Variants in ZFPM2 observed in about 807,000 individuals in gnomAD.
ZFPM2 encodes zinc finger protein ZFPM2.
Under a neutral mutation model 98.6 loss-of-function variants are expected in ZFPM2, and 20 were observed. That is an observed-to-expected ratio of 0.20 (90% CI 0.14 to 0.29). The LOEUF (loss-of-function observed/expected upper bound fraction) is 0.29. Ranked by LOEUF, ZFPM2 falls within the 10% of genes least tolerant of loss-of-function variation. ZFPM2 has a pLI of 1.00. For missense variants in ZFPM2, 1,310 were observed against 1,388.6 expected, an observed-to-expected ratio of 0.94 and a Z score of 0.90; for synonymous variants, 518 against 502.7, an observed-to-expected ratio of 1.03 and a Z score of -0.41.
chr8:105,735,951 A>G (rs1189738827), intron 5 of ZFPM2, among the ~76,000 whole-genome samples: 2 of 152,050 alleles, frequency 1.3e-5, no homozygotes, highest in Non-Finnish European at 2.9e-5. Flanking sequence ...TAACGCGGCT[A>G]TAAACCCCTG....
chr8:105,549,341 G>A (rs1365383147), intron 3 of ZFPM2, among the ~76,000 whole-genome samples: 4 of 152,152 alleles, frequency 2.6e-5, no homozygotes, highest in African/African-American at 9.7e-5. Flanking sequence ...TGGTTAAAGC[G>A]AGGGCATGAG....
chr8:105,752,624 C>G (rs762218156), intron 5 of ZFPM2, among the ~76,000 whole-genome samples: 13 of 152,040 alleles, frequency 8.6e-5, no homozygotes, highest in Non-Finnish European at 1.6e-4. Flanking sequence ...AATAAACAAA[C>G]AATACTTAAT....
At chr8:105,693,512 A>T (rs1810940107) in intron 5 of ZFPM2, among the ~76,000 whole-genome samples, 1 of 152,224 alleles carries the variant, frequency 6.6e-6, no homozygotes, top group African/African-American at 2.4e-5. Flanking sequence ...TTAGGAAAAT[A>T]TACTTAGGAA....
At chr8:105,334,636 T>C (rs1168179500) in intron 1 of ZFPM2, among the ~76,000 whole-genome samples, 2 of 151,706 alleles carry the variant, frequency 1.3e-5, no homozygotes, top group Non-Finnish European at 3.0e-5. Context: ...TTAGGCCCTG[T>C]TATACAAAAA....
Position 105,538,427 on chromosome 8 carries a change from G to A in ZFPM2, c.302-22936G>A, listed in dbSNP as rs374942399. Among the ~76,000 whole-genome samples the A allele has an allele frequency of 1.1e-3, 160 of 152,208 alleles. 2 individuals are homozygous for A. Among genetic ancestry groups the A allele is most frequent in the African/African-American group, 3.7e-3 (153 of 41,552 alleles). Reference sequence around the variant, plus strand: ...ATTTTATTTATCTTGGCTGGTAGACGTTATGTTTAGAACACTGTTGAAATG... The same window carrying A: ...ATTTTATTTATCTTGGCTGGTAGACATTATGTTTAGAACACTGTTGAAATG... On this transcript the variant is annotated intron_variant, in intron 3 of 7. Coordinates refer to ENST00000407775, the MANE Select transcript of ZFPM2 (RefSeq NM_012082.4).
intron 5 of ZFPM2, among the ~76,000 whole-genome samples, chr8:105,718,717 G>A (rs1187011852): frequency 2.7e-4 from 41 of 151,640 alleles, no homozygotes; most frequent in Admixed American, 1.5e-3. Flanking sequence ...TGATTCTGTC[G>A]TCAAAAGAAT....
intron 3 of ZFPM2, among the ~76,000 whole-genome samples, chr8:105,543,229 T>C (rs539582048): frequency 4.2e-4 from 64 of 152,314 alleles, no homozygotes; most frequent in African/African-American, 1.5e-3. Context: ...CTCACTCCTG[T>C]AATCCCAGCA....
In ZFPM2 at chr8:105,691,404, G is replaced by A. The variant is rs1373410920; in HGVS notation, c.532+57047G>A. Among the ~76,000 whole-genome samples the A allele has an allele frequency of 5.6e-4, 80 of 141,788 alleles. 5 individuals are homozygous for A. Among genetic ancestry groups the A allele is most frequent in the Middle Eastern group, 3.7e-3 (1 of 268 alleles). 93.0% of individuals were successfully genotyped at this position (141,788 alleles called of 152,430 possible). ...GCCGGGACTACGGGCGCCCGCCACC[G>A]CGCCCGGCTAATTTTTTGTATTTTT... On this transcript the variant is annotated intron_variant, in intron 5 of 7. Transcript: ENST00000407775.
chr8:105,797,227 A>ATAAG (rs1813855434), intron 6 of ZFPM2: 1 of 152,176 alleles, frequency 6.6e-6, no homozygotes, highest in Non-Finnish European at 1.5e-5. Flanking sequence ...CTCCTCACCT[A>ATAAG]TAAGTGGATG....
chr8:105,713,411 C>T (rs528197549), intron 5 of ZFPM2, among the ~76,000 whole-genome samples: 1 of 152,072 alleles, frequency 6.6e-6, no homozygotes, highest in South Asian at 2.1e-4. Context: ...CTTATAGATT[C>T]TGGGCATTAG....
At chr8:105,453,873 C>T (rs1406575421) in intron 3 of ZFPM2, among the ~76,000 whole-genome samples, 3 of 152,056 alleles carry the variant, frequency 2.0e-5, no homozygotes, top group Non-Finnish European at 4.4e-5. Flanking sequence ...GATCCACCCG[C>T]CTCAGCCTCC....
chr8:105,526,398 T>C (rs1421231485), intron 3 of ZFPM2, among the ~76,000 whole-genome samples: 1 of 152,134 alleles, frequency 6.6e-6, no homozygotes, highest in Non-Finnish European at 1.5e-5. Flanking sequence ...TTGAAGAAAA[T>C]GCAAGAAGAA....
intron 5 of ZFPM2, chr8:105,786,996 G>C (rs1162215173): frequency 2.0e-5 from 3 of 152,168 alleles, no homozygotes; most frequent in African/African-American, 7.2e-5. Flanking sequence ...GTCTCCCCTA[G>C]CTCTCCGTTA....
chr8:105,460,601 C>T (rs1481059036), intron 3 of ZFPM2, among the ~76,000 whole-genome samples: 2 of 151,922 alleles, frequency 1.3e-5, no homozygotes, highest in Non-Finnish European at 2.9e-5. Context: ...AGGCAATAGG[C>T]TTTTAAGAAA....
At chr8:105,699,026 G>A (rs1811081649) in intron 5 of ZFPM2, among the ~76,000 whole-genome samples, 1 of 152,190 alleles carries the variant, frequency 6.6e-6, no homozygotes, top group Admixed American at 6.5e-5. Context: ...GTAAAAATGA[G>A]CACATAAGTT....
intron 4 of ZFPM2, among the ~76,000 whole-genome samples, chr8:105,628,823 C>T (rs1271055959): frequency 3.3e-5 from 5 of 152,084 alleles, no homozygotes; most frequent in African/African-American, 9.7e-5. Context: ...TTTCCCAGAC[C>T]ACCAGACAAG....
intron 3 of ZFPM2, among the ~76,000 whole-genome samples, chr8:105,446,142 G>T (rs1450142268): frequency 2.0e-5 from 3 of 152,046 alleles, no homozygotes; most frequent in African/African-American, 7.2e-5. Flanking sequence ...GGATGGTCTC[G>T]ATCTCCTGAC....
intron 1 of ZFPM2, among the ~76,000 whole-genome samples, chr8:105,393,321 C>T (rs28394439): frequency 0.38 from 45,644 of 120,364 alleles, 8,304 homozygotes; most frequent in Middle Eastern, 0.52. Context: ...TTCTTCCTTC[C>T]CTCTCTCTCT....
chr8:105,673,666 G>T (rs1817639007), intron 5 of ZFPM2, among the ~76,000 whole-genome samples: 1 of 152,040 alleles, frequency 6.6e-6, no homozygotes. Flanking sequence ...TTCTATTCAA[G>T]AAAAATACGC....
Sources: gnomAD v4.1 joint callset for allele counts (sites outside exome capture counted in the v4.1 genomes callset) on GRCh38, gnomAD v4.1.1 for gene constraint, MANE v1.5 for transcripts, NCBI Gene and HGNC (gene_info 2026-07-23, HGNC 2026-07-21) for gene names.